CERS3: variants seen among roughly 807,000 people sequenced by gnomAD.
CERS3 encodes ceramide synthase 3, also known as LAG1 homolog, ceramide synthase 3.
In CERS3, 33 loss-of-function variants were observed where a neutral mutation model predicts 50.3. That is an observed-to-expected ratio of 0.66 (90% CI 0.50 to 0.88). The LOEUF (loss-of-function observed/expected upper bound fraction) is 0.88. Among genes scored for constraint, CERS3 ranks in the 40% least tolerant of loss-of-function variants. The probability of loss-of-function intolerance (pLI) is 0.00; values close to 1 mark genes in which losing one functional copy is unlikely to be tolerated. For synonymous variants in CERS3, 176 were observed against 155.2 expected, an observed-to-expected ratio of 1.13 and a Z score of -0.99; for missense variants, 470 against 460.3, an observed-to-expected ratio of 1.02 and a Z score of -0.19.
intron 3 of CERS3, among the ~76,000 whole-genome samples, chr15:100,497,683 A>C (rs925779034): frequency 6.6e-6 from 1 of 152,130 alleles, no homozygotes; most frequent in Non-Finnish European, 1.5e-5. Context: ...GAAATAGCAT[A>C]TGGGTAAGTA....
At chr15:100,465,639 GTT>G (rs1029137700) in intron 10 of CERS3, among the ~76,000 whole-genome samples, 21 of 151,190 alleles carry the variant, frequency 1.4e-4, no homozygotes, top group African/African-American at 4.9e-4. Flanking sequence ...ACCAGGAAAA[GTT>G]TTTGCTGTTG....
At chr15:100,466,311 C>G (rs1218570589) in intron 10 of CERS3, among the ~76,000 whole-genome samples, 2 of 152,160 alleles carry the variant, frequency 1.3e-5, no homozygotes, top group Non-Finnish European at 2.9e-5. Context: ...TTCTCCATTG[C>G]TAAATCAAAA....
chr15:100,477,111 T>C (rs1596729171), intron 7 of CERS3, among the ~76,000 whole-genome samples: 1 of 152,184 alleles, frequency 6.6e-6, no homozygotes, highest in South Asian at 2.1e-4. Context: ...TAGCTGAGCC[T>C]AGCCTAAATT....
At chr15:100,476,051 A>C (rs1396041212) in intron 8 of CERS3, 35 bp downstream of exon 8, 1 of 1,436,588 alleles carries the variant, frequency 7.0e-7, no homozygotes, top group East Asian at 2.5e-5. Flanking sequence ...TTTTTGAAGA[A>C]ATTGATAAAG....
intron 1 of CERS3, among the ~76,000 whole-genome samples, chr15:100,539,902 T>G (rs75032717): frequency 6.6e-6 from 1 of 152,138 alleles, no homozygotes; most frequent in Non-Finnish European, 1.5e-5. Flanking sequence ...CCTAGGAGGC[T>G]GTTTCCCTTC....
intron 11 of CERS3, among the ~76,000 whole-genome samples, chr15:100,443,700 C>T (rs11638631): frequency 0.39 from 49,650 of 126,858 alleles, 9,927 homozygotes; most frequent in Non-Finnish European, 0.49. Flanking sequence ...GCCCAAATTT[C>T]TTCCTTACCT....
In CERS3 at chr15:100,456,006, C is replaced by G. The variant is rs756215155; in HGVS notation, c.886G>C (p.Glu296Gln). ...CTLILPMYHL[E>Q]PFFSYIFLNL... ...AGGAAGATGTATGAAAAGAAAGGCT[C>G]GAGGTGATACATAGGCAAGATCAGC... The change falls in exon 11 of 12, where the codon GAG becomes CAG. Residue 296 changes from glutamate (E) to glutamine (Q), a missense_variant. Glu to Gln is a conservative substitution (Grantham distance 29, BLOSUM62 2). Coordinates refer to ENST00000679737, the MANE Select transcript of CERS3 (RefSeq NM_001378789.1). The G allele has an allele frequency of 8.1e-6, 13 of 1,612,710 alleles. No homozygotes were observed. The South Asian group carries it at 1.3e-4, about 16-fold the overall frequency.
At chr15:100,456,295 A>G (rs1447261610) in intron 10 of CERS3, among the ~76,000 whole-genome samples, 2 of 152,236 alleles carry the variant, frequency 1.3e-5, no homozygotes, top group Non-Finnish European at 2.9e-5. Context: ...CAGTGTTTAA[A>G]CTGGAATGTT....
chr15:100,440,831 A>G (rs901754299), intron 11 of CERS3, among the ~76,000 whole-genome samples: 39 of 152,220 alleles, frequency 2.6e-4, no homozygotes, highest in African/African-American at 8.4e-4. Context: ...CAATCTTGGC[A>G]CCACACTTCA....
At chr15:100,438,518 CAAAT>C (rs2033534462) in intron 11 of CERS3, among the ~76,000 whole-genome samples, 1 of 152,108 alleles carries the variant, frequency 6.6e-6, no homozygotes, top group Admixed American at 6.6e-5. Context: ...TACCTTAACT[CAAAT>C]AAAGAATAAT....
intron 11 of CERS3, among the ~76,000 whole-genome samples, chr15:100,436,438 C>A (rs1253078374): frequency 6.6e-6 from 1 of 152,074 alleles, no homozygotes; most frequent in South Asian, 2.1e-4. Context: ...CACATGGACA[C>A]AGGGAGGGGA....
At position 100,510,040 on chromosome 15, in the gene CERS3, T is replaced by C. The variant is rs528269134; in HGVS notation, c.-1-8190A>G. On this transcript the variant is annotated intron_variant, in intron 2 of 11. Coordinates refer to ENST00000679737, the MANE Select transcript of CERS3 (RefSeq NM_001378789.1). ...ACAAACCCAGCCAAAAAAAAAAAAA[T>C]AGTATGTCTTTAAGATAAAACACAA... Among the ~76,000 whole-genome samples, 146 of 106,858 alleles carry C rather than the reference T, an allele frequency of 1.4e-3. 1 individual carries two copies. Among genetic ancestry groups the C allele is most frequent in the South Asian group, 3.7e-3 (12 of 3,222 alleles). The allele number at this position is 106,858 out of a possible 152,430, so 70.1% of individuals were successfully genotyped here.
intron 2 of CERS3, among the ~76,000 whole-genome samples, chr15:100,502,573 T>C (rs79491225): frequency 1.3e-5 from 2 of 152,320 alleles, no homozygotes; most frequent in Admixed American, 6.5e-5. Context: ...TCATCACTAG[T>C]ACCCTAAAAA....
rs772583641 is a variant in CERS3, at chr15:100,541,142, G to A, written c.-355+3509C>T. On this transcript the variant is annotated intron_variant, in intron 1 of 12. Transcript: ENST00000284382. ...TCTATCAACAGATCAGCTGAGCTAC[G>A]TGGCAAGCAGCAAATGCTGGGGTCC... 4.6e-5 allele frequency among the ~76,000 whole-genome samples: 7 copies of A among 152,154 alleles called. No homozygotes were observed. In the South Asian group the frequency reaches 6.2e-4, roughly 13 times the overall value.
Position 100,402,776 on chromosome 15 carries a change from A to G in CERS3, c.1089T>C (p.Asp363=), listed in dbSNP as rs778903242. 1 of 1,614,192 alleles carries G rather than the reference A, an allele frequency of 6.2e-7. No homozygotes were observed. Among genetic ancestry groups the G allele is most frequent in the Admixed American group, 1.7e-5 (1 of 60,028 alleles). Residue 363 remains aspartate (D), a synonymous_variant, in exon 12 of 12, where the codon GAT becomes GAC. Transcript: ENST00000679737. ...CAGCCCTGAGGCCGTTCTTTAAACA[A>G]TCCATCTCTTTGCCTTTGGTAGCCT... is the stretch of plus-strand genomic sequence containing the variant. ...EEEATKGKEM[D]CLKNGLRAER... is the part of the protein sequence containing the mutation.
intron 10 of CERS3, among the ~76,000 whole-genome samples, chr15:100,465,001 G>A (rs755003196): frequency 6.6e-6 from 1 of 152,098 alleles, no homozygotes; most frequent in Non-Finnish European, 1.5e-5. Flanking sequence ...TGAGGCTGGG[G>A]AAAATCAGAG....
At chr15:100,508,988 C>A (rs2036261590) in intron 2 of CERS3, among the ~76,000 whole-genome samples, 1 of 152,090 alleles carries the variant, frequency 6.6e-6, no homozygotes, top group African/African-American at 2.4e-5. Context: ...GCGTTTATTT[C>A]TTTGTACTTT....
intron 11 of CERS3, among the ~76,000 whole-genome samples, chr15:100,406,913 A>C (rs1220848499): frequency 6.6e-6 from 1 of 152,216 alleles, no homozygotes; most frequent in Admixed American, 6.5e-5. Flanking sequence ...AGCAAGTCAC[A>C]TCTTACATGG....
Position 100,506,381 on chromosome 15 carries a change from C to G in CERS3, c.-1-4531G>C, listed in dbSNP as rs185450860. On this transcript the variant is annotated intron_variant, in intron 2 of 11. Coordinates refer to ENST00000679737, the MANE Select transcript of CERS3 (RefSeq NM_001378789.1). Reference sequence around the variant, plus strand: ...AGCCATGAGAGAAATGGAAGTCACACCCATACCCAGAGAGGCCCTTCACAC... The same window carrying G: ...AGCCATGAGAGAAATGGAAGTCACAGCCATACCCAGAGAGGCCCTTCACAC... 5.6e-4 allele frequency among the ~76,000 whole-genome samples: 85 copies of G among 152,102 alleles called. 1 individual carries two copies. Among genetic ancestry groups the G allele is most frequent in the African/African-American group, 2.0e-3 (82 of 41,492 alleles).
Sources: allele counts gnomAD v4.1 joint callset (sites outside exome capture counted in the v4.1 genomes callset), GRCh38; gene constraint gnomAD v4.1.1; transcripts MANE v1.5; gene names NCBI Gene and HGNC (gene_info 2026-07-23, HGNC 2026-07-21).